The following DLC1 variants were observed in gnomAD, a reference collection of about 807,000 sequenced individuals.
The protein encoded by DLC1 is DLC1 Rho GTPase activating protein.
Under a neutral mutation model 140.3 loss-of-function variants are expected in DLC1, and 54 were observed. The ratio of observed to expected loss-of-function variants is 0.38; its 90% CI spans 0.31 to 0.48. DLC1 has a LOEUF of 0.48. Ranked by LOEUF, DLC1 falls within the 20% of genes least tolerant of loss-of-function variation. The pLI is 0.96. For missense variants in DLC1, 2,536 were observed against 1,907.0 expected (o/e 1.33, Z -6.14); for synonymous variants, 986 against 728.1 (o/e 1.35, Z -5.70).
chr8:13,165,639 G>A (rs1563128613), intron 5 of DLC1, among the ~76,000 whole-genome samples: 1 of 152,206 alleles, frequency 6.6e-6, no homozygotes, highest in Non-Finnish European at 1.5e-5. Context: ...TTAAACAGCT[G>A]CTCCTTCAAC....
intron 1 of DLC1, among the ~76,000 whole-genome samples, chr8:13,549,412 A>T (rs1362761582): frequency 1.3e-5 from 2 of 152,148 alleles, no homozygotes; most frequent in Non-Finnish European, 2.9e-5. Flanking sequence ...ATTTCAAAAC[A>T]CTCTATAAAG....
At chr8:13,372,915 C>T (rs918943062) in intron 4 of DLC1, among the ~76,000 whole-genome samples, 4 of 152,138 alleles carry the variant, frequency 2.6e-5, no homozygotes, top group Non-Finnish European at 5.9e-5. Context: ...CATCAAACAC[C>T]ATGCCCAGCA....
At chr8:13,086,523 C>T (rs1300660977) in intron 16 of DLC1, 60 bp from the exon 17 acceptor site, 8 of 1,582,238 alleles carry the variant, frequency 5.1e-6, no homozygotes, top group African/African-American at 4.1e-5. Flanking sequence ...AGTTTAAAAT[C>T]GTGCTTCACT....
intron 5 of DLC1, among the ~76,000 whole-genome samples, chr8:13,128,701 C>T (rs1821803457): frequency 6.6e-6 from 1 of 151,992 alleles, no homozygotes; most frequent in East Asian, 1.9e-4. Context: ...GGCATTGTGG[C>T]GGCGCCTACT....
intron 2 of DLC1, among the ~76,000 whole-genome samples, chr8:13,434,347 AT>A (rs1839018987): frequency 6.6e-6 from 1 of 152,232 alleles, no homozygotes; most frequent in African/African-American, 2.4e-5. Flanking sequence ...ACTGCTCTAG[AT>A]TTTAAACATA....
chr8:13,457,123 T>C (rs1350084082), intron 2 of DLC1, among the ~76,000 whole-genome samples: 1 of 152,198 alleles, frequency 6.6e-6, no homozygotes, highest in East Asian at 1.9e-4. Flanking sequence ...TTCTCAAATG[T>C]GTCTGTCTTT....
intron 2 of DLC1, among the ~76,000 whole-genome samples, chr8:13,414,264 T>A (rs538120147): frequency 6.6e-6 from 1 of 152,220 alleles, no homozygotes; most frequent in South Asian, 2.1e-4. Context: ...ATTATTGGTA[T>A]GAAAAGATGC....
At chr8:13,196,427 T>C (rs1192150013) in intron 5 of DLC1, among the ~76,000 whole-genome samples, 2 of 152,192 alleles carry the variant, frequency 1.3e-5, no homozygotes, top group Non-Finnish European at 2.9e-5. Flanking sequence ...TTTCAACACA[T>C]ACCCGTGTAA....
chr8:13,439,377 C>T (rs1018704928), intron 2 of DLC1, among the ~76,000 whole-genome samples: 3 of 152,038 alleles, frequency 2.0e-5, no homozygotes, highest in Non-Finnish European at 2.9e-5. Flanking sequence ...GGCCCACAGG[C>T]AGTAGTTTAC....
intron 5 of DLC1, among the ~76,000 whole-genome samples, chr8:13,183,862 A>G (rs563504817): frequency 6.6e-5 from 10 of 152,024 alleles, no homozygotes; most frequent in Admixed American, 2.6e-4. Flanking sequence ...CCTCTTTTCT[A>G]TCGATTGGAA....
At chr8:13,283,621 C>G (rs1358105474) in intron 5 of DLC1, among the ~76,000 whole-genome samples, 1 of 152,156 alleles carries the variant, frequency 6.6e-6, no homozygotes, top group African/African-American at 2.4e-5. Context: ...CTCAAGCAAT[C>G]CTCTCACTGC....
intron 5 of DLC1, among the ~76,000 whole-genome samples, chr8:13,263,556 A>G (rs1830552886): frequency 6.6e-6 from 1 of 151,164 alleles, no homozygotes; most frequent in Non-Finnish European, 1.5e-5. Flanking sequence ...TTCGTCATAT[A>G]TTTATATATG....
chr8:13,397,847 C>G (rs928732444), intron 3 of DLC1, among the ~76,000 whole-genome samples: 1 of 151,412 alleles, frequency 6.6e-6, no homozygotes, highest in Non-Finnish European at 1.5e-5. Context: ...AAGAACAAGA[C>G]CTTGGCCAGG....
intron 2 of DLC1, among the ~76,000 whole-genome samples, chr8:13,403,639 C>CT (rs1837392447): frequency 6.6e-6 from 1 of 151,686 alleles, no homozygotes; most frequent in South Asian, 2.1e-4. Flanking sequence ...CCCTTCCTTC[C>CT]TTTTTTCCCT....
intron 1 of DLC1, among the ~76,000 whole-genome samples, chr8:13,591,626 A>G (rs1805519188): frequency 1.3e-5 from 2 of 152,168 alleles, no homozygotes; most frequent in Middle Eastern, 3.4e-3. Context: ...GATAAATATT[A>G]GGAGTGTTTT....
At position 13,533,253 on chromosome 8, in the gene DLC1, T is replaced by G. The variant is rs375953288; in HGVS notation, c.-125-33057A>C. 7.4e-3 allele frequency among the ~76,000 whole-genome samples: 1,132 copies of G among 152,252 alleles called. 11 individuals carry two copies. The highest frequency in any genetic ancestry group is 0.026 in the African/African-American group (1,079 of 41,528). On this transcript the variant is annotated intron_variant, in intron 1 of 1. Transcript: ENST00000631382. ...TGAGTAGAATAATCGTTGTTTTTTT[T>G]TGTGTTTTCTAATTTTGAGTATTTC...
intron 5 of DLC1, among the ~76,000 whole-genome samples, chr8:13,179,009 C>T (rs531305804): frequency 6.6e-6 from 1 of 152,224 alleles, no homozygotes; most frequent in African/African-American, 2.4e-5. Context: ...TAGCTTCAGA[C>T]TGAAAATGAT....
At chr8:13,601,057 C>A (rs1805863687) in intron 1 of DLC1, among the ~76,000 whole-genome samples, 1 of 151,630 alleles carries the variant, frequency 6.6e-6, no homozygotes, top group African/African-American at 2.4e-5. Flanking sequence ...CTACTTTGAG[C>A]CAATCTCGTA....
chr8:13,233,293 T>TAAAAAAAAAAAAAAAAAAAAAAAAA (rs71207134), intron 5 of DLC1, among the ~76,000 whole-genome samples: 1 of 70,388 alleles, frequency 1.4e-5, no homozygotes, highest in African/African-American at 5.8e-5. Context: ...AGACTCTGTA[T>TAAAAAAAAAAAAAAAAAAAAAAAAA]AAAAAAAAAA....
Sources: gnomAD v4.1 joint callset for allele counts (sites outside exome capture counted in the v4.1 genomes callset) on GRCh38, gnomAD v4.1.1 for gene constraint, MANE v1.5 for transcripts, NCBI Gene and HGNC (gene_info 2026-07-23, HGNC 2026-07-21) for gene names.